The following C14orf132 variants were observed in gnomAD, a reference collection of about 807,000 sequenced individuals.
C14orf132 encodes the protein uncharacterized protein C14orf132.
Under a neutral mutation model 5.8 loss-of-function variants are expected in C14orf132, and 6 were observed. The ratio of observed to expected loss-of-function variants is 1.03; its 90% CI spans 0.57 to 2.04. C14orf132 has a LOEUF of 2.04. C14orf132 is among the 30% of genes most tolerant of loss of function. The probability of loss-of-function intolerance (pLI) is 0.00; values close to 1 mark genes in which losing one functional copy is unlikely to be tolerated. For missense variants in C14orf132, 125 were observed against 115.8 expected (o/e 1.08, Z -0.37); for synonymous variants, 51 against 49.8 (o/e 1.02, Z -0.10).
At chr14:96,067,779 G>A (rs140185974) in intron 1 of C14orf132, among the ~76,000 whole-genome samples, 15 of 152,118 alleles carry the variant, frequency 9.9e-5, no homozygotes, top group Admixed American at 2.0e-4. Context: ...TGCTGTAGGC[G>A]TGCCCTCTAC....
chr14:96,058,412 C>T lies in C14orf132; in HGVS notation c.27+18885C>T, dbSNP rs768903604. 1.9e-4 allele frequency among the ~76,000 whole-genome samples: 29 copies of T among 152,098 alleles called. 1 individual carries two copies. The highest frequency in any genetic ancestry group is 6.5e-5 in the Admixed American group (1 of 15,272). ...CCCCTTCTTTTAAGAATCTTGTGAA[C>T]ATTGGCTTATTTATACTTATGCACC... is the stretch of plus-strand genomic sequence containing the variant. On this transcript the variant is annotated intron_variant, in intron 1 of 1. Transcript: ENST00000555004.
intron 1 of C14orf132, among the ~76,000 whole-genome samples, chr14:96,066,070 A>C (rs555273050): frequency 6.6e-6 from 1 of 152,258 alleles, no homozygotes; most frequent in Non-Finnish European, 1.5e-5. Flanking sequence ...AGCCACAGCC[A>C]CGTGGAGGAG....
chr14:96,080,416 G>C (rs1481263532), intron 1 of C14orf132, among the ~76,000 whole-genome samples: 1 of 152,192 alleles, frequency 6.6e-6, no homozygotes, highest in East Asian at 1.9e-4. Context: ...GCTCAGCCAA[G>C]ACAGGCACTG....
chr14:96,082,611 C>T (rs565479403), intron 1 of C14orf132, among the ~76,000 whole-genome samples: 3 of 152,274 alleles, frequency 2.0e-5, no homozygotes, highest in South Asian at 2.1e-4. Context: ...TCTCAGCATA[C>T]ACTAGGGGGC....
At chr14:96,052,542 T>A (rs910091293) in intron 1 of C14orf132, among the ~76,000 whole-genome samples, 2 of 152,204 alleles carry the variant, frequency 1.3e-5, no homozygotes, top group African/African-American at 4.8e-5. Flanking sequence ...CCAGTAAATA[T>A]TTCATAAACC....
rs1477221239 is a variant in C14orf132 at position 96,092,147 on chromosome 14, T to C, written c.*5412T>C. 2 of 152,248 alleles carry C rather than the reference T, an allele frequency of 1.3e-5. No individual in the cohort carries two copies. The highest frequency in any genetic ancestry group is 2.1e-4 in the South Asian group (1 of 4,834). The allele number at this position is 152,248 out of a possible 1,614,324, so 9.4% of individuals were successfully genotyped here. On this transcript the variant is annotated 3_prime_UTR_variant, in exon 2 of 2. Transcript: ENST00000555004. The stretch of plus-strand genomic sequence containing the variant: ...GTGTTCTGAGTCACTGTAGAAGTCA[T>C]GCATTTATTATCAAGATAGAAAAGA...
At position 96,091,109 on chromosome 14, in the gene C14orf132, G is replaced by A. The variant is rs1355399776; in HGVS notation, c.*4374G>A. On this transcript the variant is annotated 3_prime_UTR_variant, in exon 2 of 2. Transcript: ENST00000555004. ...TGTGGAGAAAACTGAGGCCAGGGCTGAACGCTCACAGCTAAGGAGCTGTGA... is the reference window on the plus strand; with the variant it reads ...TGTGGAGAAAACTGAGGCCAGGGCTAAACGCTCACAGCTAAGGAGCTGTGA... 1 of 430,332 alleles carries A rather than the reference G, an allele frequency of 2.3e-6. No homozygotes were observed. Among genetic ancestry groups the A allele is most frequent in the Admixed American group, 2.4e-5 (1 of 41,072 alleles). The allele number at this position is 430,332 out of a possible 1,614,324, so 26.7% of individuals were successfully genotyped here. A position where few individuals can be genotyped will look rare whatever the true frequency, so the allele number is the denominator to read the frequency against.
intron 1 of C14orf132, among the ~76,000 whole-genome samples, chr14:96,081,308 T>C (rs1371238063): frequency 6.6e-6 from 1 of 152,236 alleles, no homozygotes; most frequent in Non-Finnish European, 1.5e-5. Context: ...AGCCCCCTTC[T>C]ATACGGCTGT....
At chr14:96,047,664 A>G (rs916070390) in intron 1 of C14orf132, among the ~76,000 whole-genome samples, 1 of 152,232 alleles carries the variant, frequency 6.6e-6, no homozygotes, top group African/African-American at 2.4e-5. Context: ...ACTGAGGCTT[A>G]GAGGGCACAC....
intron 1 of C14orf132, among the ~76,000 whole-genome samples, chr14:96,086,079 G>A (rs1328530456): frequency 2.6e-5 from 4 of 152,188 alleles, no homozygotes; most frequent in South Asian, 4.2e-4. Context: ...GTGGGATCAT[G>A]ATTCTCATTT....
At chr14:96,052,818 T>C (rs778750855) in intron 1 of C14orf132, among the ~76,000 whole-genome samples, 1 of 152,050 alleles carries the variant, frequency 6.6e-6, no homozygotes, top group Non-Finnish European at 1.5e-5. Context: ...TACCCTCTTC[T>C]TCCTCTGAAC....
At chr14:96,043,640 A>G (rs1163545070) in intron 1 of C14orf132, among the ~76,000 whole-genome samples, 2 of 152,110 alleles carry the variant, frequency 1.3e-5, no homozygotes, top group Non-Finnish European at 2.9e-5. Context: ...CTTTCCTTGC[A>G]TTCCCCAGCT....
In C14orf132 at chr14:96,089,845, CTCA is replaced by C. The variant is rs2139690443; in HGVS notation, c.*3111_*3113del. 6.6e-6 allele frequency: 1 copy of C among 152,380 alleles called. No individual in the cohort carries two copies. The highest frequency in any genetic ancestry group is 2.4e-5 in the African/African-American group (1 of 41,540). The allele number at this position is 152,380 out of a possible 1,614,324, so 9.4% of individuals were successfully genotyped here. On this transcript the variant is annotated 3_prime_UTR_variant, in exon 2 of 2. Coordinates refer to ENST00000555004, the MANE Select transcript of C14orf132 (RefSeq NM_001252507.3). The stretch of plus-strand genomic sequence containing the variant: ...AGAAGCACCCACACGTAGAAAGAGG[CTCA>C]CTACAGCCAGAAGTGCAGAGTCAGA...
chr14:96,050,511 T>G (rs1886996503), intron 1 of C14orf132, among the ~76,000 whole-genome samples: 1 of 152,092 alleles, frequency 6.6e-6, no homozygotes, highest in Non-Finnish European at 1.5e-5. Flanking sequence ...TCAGGCAGTT[T>G]CTGTACAAAC....
At chr14:96,066,294 A>G (rs1887526024) in intron 1 of C14orf132, among the ~76,000 whole-genome samples, 1 of 152,148 alleles carries the variant, frequency 6.6e-6, no homozygotes, top group South Asian at 2.1e-4. Context: ...CCCGCAGGGC[A>G]AGTGCTTCTT....
chr14:96,086,227 G>T (rs528959783), intron 1 of C14orf132, among the ~76,000 whole-genome samples: 5 of 152,294 alleles, frequency 3.3e-5, no homozygotes, highest in South Asian at 2.1e-4. Context: ...GGCTGGAGGG[G>T]TTGCTGTGAG....
chr14:96,067,179 C>T lies in C14orf132; in HGVS notation c.28-19332C>T, dbSNP rs1356398988. 3.3e-5 allele frequency among the ~76,000 whole-genome samples: 5 copies of T among 152,314 alleles called. No homozygotes were observed. The East Asian group carries it at 9.6e-4, about 29-fold the overall frequency. ...GAGGAAGTGAGCATAGATAGAGGGACCTGCAGGCAGCAGCGTGCCAGCACT... is the reference window on the plus strand; with the variant it reads ...GAGGAAGTGAGCATAGATAGAGGGATCTGCAGGCAGCAGCGTGCCAGCACT... On this transcript the variant is annotated intron_variant, in intron 1 of 1. Transcript: ENST00000555004.
At chr14:96,069,183 A>ATATATATATATATAG (rs372630503) in intron 1 of C14orf132, among the ~76,000 whole-genome samples, 1 of 134,268 alleles carries the variant, frequency 7.4e-6, no homozygotes, top group Non-Finnish European at 1.6e-5. Context: ...ATATATGTAT[A>ATATATATATATATAG]TATATATATA....
At chr14:96,059,417 G>A (rs1887278558) in intron 1 of C14orf132, among the ~76,000 whole-genome samples, 1 of 152,186 alleles carries the variant, frequency 6.6e-6, no homozygotes, top group Non-Finnish European at 1.5e-5. Context: ...CACTCATGAA[G>A]GGCCAGGCAC....
Sources: allele counts gnomAD v4.1 joint callset (sites outside exome capture counted in the v4.1 genomes callset), GRCh38; gene constraint gnomAD v4.1.1; transcripts MANE v1.5; gene names NCBI Gene and HGNC (gene_info 2026-07-23, HGNC 2026-07-21).